The following SLC25A36 variants were observed in gnomAD, a reference collection of about 807,000 sequenced individuals.
SLC25A36 encodes the protein epididymis secretory sperm binding protein.
SLC25A36 carries 24 observed loss-of-function variants against 35.3 expected under a neutral mutation model. The ratio of observed to expected loss-of-function variants is 0.68; its 90% CI spans 0.49 to 0.96. The LOEUF (loss-of-function observed/expected upper bound fraction) is 0.96, where lower values mean the gene tolerates loss of function less well. Among genes scored for constraint, SLC25A36 ranks in the 40% least tolerant of loss-of-function variants. The pLI is 0.00. For synonymous variants in SLC25A36, 141 were observed against 132.2 expected, an observed-to-expected ratio of 1.07 and a Z score of -0.46; for missense variants, 294 against 381.1, an observed-to-expected ratio of 0.77 and a Z score of 1.90.
At position 140,976,489 on chromosome 3, in the gene SLC25A36, C is replaced by A. The variant is rs1935050906; in HGVS notation, c.*36C>A. 8.4e-6 allele frequency: 13 copies of A among 1,546,270 alleles called. No homozygotes were observed. In the East Asian group the frequency reaches 2.7e-4, roughly 32 times the overall value. On this transcript the variant is annotated 3_prime_UTR_variant, in exon 7 of 7. Transcript: ENST00000324194. ...ACTGCTGTACTGCAAAAAAAGAAGA[C>A]CAAAAGATTACAGTGGACCATGGGA...
intron 2 of SLC25A36, among the ~76,000 whole-genome samples, chr3:140,958,750 G>A (rs1318334181): frequency 3.3e-5 from 5 of 152,120 alleles, no homozygotes; most frequent in African/African-American, 1.2e-4. Flanking sequence ...TAATTGGCGG[G>A]TAGTTATTAA....
intron 1 of SLC25A36, among the ~76,000 whole-genome samples, chr3:140,952,112 G>A (rs1270096711): frequency 6.6e-6 from 1 of 151,804 alleles, no homozygotes; most frequent in Non-Finnish European, 1.5e-5. Flanking sequence ...TGCCTCCTGG[G>A]TTGAAGCGAT....
chr3:140,948,887 G>T (rs1480534278), intron 1 of SLC25A36, among the ~76,000 whole-genome samples: 2 of 152,172 alleles, frequency 1.3e-5, no homozygotes, highest in African/African-American at 4.8e-5. Flanking sequence ...TTCATGACTG[G>T]GTATGATGGC....
In SLC25A36 at chr3:140,977,898, TGA is replaced by T. The variant is rs1489595971; in HGVS notation, c.*1451_*1452del. On this transcript the variant is annotated 3_prime_UTR_variant, in exon 7 of 7. Coordinates refer to ENST00000324194, the MANE Select transcript of SLC25A36 (RefSeq NM_001104647.3). Reference sequence around the variant, plus strand: ...TTGTGGCCTTTTTTGGGGGGGAGGGTGAGAGAGTAGGAGAGAATACCATGTTA... The same window carrying T: ...TTGTGGCCTTTTTTGGGGGGGAGGGTGAGAGTAGGAGAGAATACCATGTTA... 1.3e-5 allele frequency: 2 copies of T among 149,472 alleles called. No individual in the cohort carries two copies. The highest frequency in any genetic ancestry group is 3.0e-5 in the Non-Finnish European group (2 of 67,438). 9.3% of individuals were successfully genotyped at this position (149,472 alleles called of 1,614,324 possible). A position where few individuals can be genotyped will look rare whatever the true frequency, so the allele number is the denominator to read the frequency against.
chr3:140,968,462 T>A, intron 4 of SLC25A36: 3 of 983,708 alleles, frequency 3.0e-6, no homozygotes, highest in Non-Finnish European at 3.6e-6. Flanking sequence ...CTCACTTACC[T>A]AAATTTTAAT....
chr3:140,945,463 C>T (rs190018421), intron 1 of SLC25A36, among the ~76,000 whole-genome samples: 189 of 152,266 alleles, frequency 1.2e-3, no homozygotes, highest in Non-Finnish European at 5.3e-4. Context: ...AATCATTTTT[C>T]TATAAATGAA....
chr3:140,943,662 T>C (rs922339772), intron 1 of SLC25A36, among the ~76,000 whole-genome samples: 18 of 152,148 alleles, frequency 1.2e-4, no homozygotes, highest in African/African-American at 4.3e-4. Context: ...ATGGACACTT[T>C]TATTTCAATT....
At chr3:140,949,827 T>G (rs1428631292) in intron 1 of SLC25A36, among the ~76,000 whole-genome samples, 1 of 152,192 alleles carries the variant, frequency 6.6e-6, no homozygotes, top group Admixed American at 6.5e-5. Context: ...AACTTTGAAT[T>G]GTAACTTTTT....
chr3:140,943,584 T>TCC (rs1379008747), intron 1 of SLC25A36, among the ~76,000 whole-genome samples: 15 of 152,248 alleles, frequency 9.9e-5, no homozygotes, highest in Non-Finnish European at 4.4e-5. Context: ...CCTCTTGTAA[T>TCC]TAGATCTATA....
At chr3:140,956,811 T>C in intron 2 of SLC25A36, 120 bp downstream of exon 2, 1 of 1,405,370 alleles carries the variant, frequency 7.1e-7, no homozygotes, top group Non-Finnish European at 9.3e-7. Context: ...TTACAGAAGT[T>C]ACTCTGAATT....
chr3:140,978,653 G>T lies in SLC25A36; in HGVS notation c.*2200G>T, dbSNP rs189597441. On this transcript the variant is annotated 3_prime_UTR_variant, in exon 7 of 7. Transcript: ENST00000324194. ...GTTGACCTTTAGTGCATTATATTCA[G>T]CTTTTAACAGTATTATGTATGTACT... The T allele has an allele frequency of 6.6e-6, 1 of 152,064 alleles. No individual in the cohort carries two copies. Among genetic ancestry groups the T allele is most frequent in the Admixed American group, 6.6e-5 (1 of 15,258 alleles). The allele number at this position is 152,064 out of a possible 1,614,324, so 9.4% of individuals were successfully genotyped here.
At chr3:140,966,391 G>T in intron 4 of SLC25A36, 1 of 313,274 alleles carries the variant, frequency 3.2e-6, no homozygotes, top group Non-Finnish European at 6.5e-6. Context: ...TATTTCATAA[G>T]TATGGATGTG....
At chr3:140,974,172 C>G (rs997422151) in intron 6 of SLC25A36, among the ~76,000 whole-genome samples, 167 bp downstream of exon 6, 1 of 151,978 alleles carries the variant, frequency 6.6e-6, no homozygotes, top group South Asian at 2.1e-4. Context: ...ATTAATAGGT[C>G]AGTATTATGC....
intron 2 of SLC25A36, among the ~76,000 whole-genome samples, chr3:140,957,484 A>C (rs186075531): frequency 6.9e-4 from 105 of 152,306 alleles, no homozygotes; most frequent in African/African-American, 2.5e-3. Context: ...GCTCACGCCC[A>C]TAATCCCAGC....
chr3:140,941,952 C>A lies in SLC25A36; in HGVS notation c.-103C>A. On this transcript the variant is annotated 5_prime_UTR_variant, in exon 1 of 7. Coordinates refer to ENST00000324194, the MANE Select transcript of SLC25A36 (RefSeq NM_001104647.3). ...TCTCGGCCAGCTCTCCTCGCCGTCC[C>A]CGGGGCGCTGTGCGTCTCCAGTCCG... 1 of 652,358 alleles carries A rather than the reference C, an allele frequency of 1.5e-6. No homozygotes were observed. The highest frequency in any genetic ancestry group is 2.6e-6 in the Non-Finnish European group (1 of 387,318). The allele number at this position is 652,358 out of a possible 1,614,324, so 40.4% of individuals were successfully genotyped here.
intron 3 of SLC25A36, among the ~76,000 whole-genome samples, chr3:140,962,024 A>C (rs1934643892): frequency 6.6e-6 from 1 of 151,984 alleles, no homozygotes. Context: ...GTGCAGTCAT[A>C]CTTTCTTGTA....
rs1262478484 is a variant in SLC25A36 at position 140,978,065 on chromosome 3, CCAA to C, written c.*1615_*1617del. On this transcript the variant is annotated 3_prime_UTR_variant, in exon 7 of 7. Coordinates refer to ENST00000324194, the MANE Select transcript of SLC25A36 (RefSeq NM_001104647.3). ...GTATTCTGTGTACCCTGTCGTACCC[CCAA>C]CATTATAGAATATTGCAGCGTGTCA... 1.3e-5 allele frequency: 2 copies of C among 152,038 alleles called. No homozygotes were observed. The highest frequency in any genetic ancestry group is 2.9e-5 in the Non-Finnish European group (2 of 68,012). The allele number at this position is 152,038 out of a possible 1,614,324, so 9.4% of individuals were successfully genotyped here.
intron 2 of SLC25A36, 123 bp from the exon 3 acceptor site, chr3:140,959,340 C>A: frequency 1.7e-6 from 1 of 601,842 alleles, no homozygotes; most frequent in Non-Finnish European, 2.8e-6. Flanking sequence ...GTAAGGAAAA[C>A]TCACCAGAGA....
chr3:140,956,548 T>C lies in SLC25A36; in HGVS notation c.63T>C (p.Ala21=). The change falls in exon 2 of 7, where the codon GCT becomes GCC. Residue 21 remains alanine (A), a synonymous_variant. Coordinates refer to ENST00000324194, the MANE Select transcript of SLC25A36 (RefSeq NM_001104647.3). ...TTAGATGTGGTGGTACAGTGGGAGC[T>C]ATTCTGACATGTCCACTGGAAGTTG... The part of the protein sequence containing the change: ...FAGGCGGTVG[A]ILTCPLEVVK... The C allele has an allele frequency of 6.2e-7, 1 of 1,605,700 alleles. No individual in the cohort carries two copies. Among genetic ancestry groups the C allele is most frequent in the African/African-American group, 1.3e-5 (1 of 74,350 alleles).
Sources: gnomAD v4.1 joint callset for allele counts (sites outside exome capture counted in the v4.1 genomes callset) on GRCh38, gnomAD v4.1.1 for gene constraint, MANE v1.5 for transcripts, NCBI Gene and HGNC (gene_info 2026-07-23, HGNC 2026-07-21) for gene names.